FER: variants seen among roughly 807,000 people sequenced by gnomAD.
FER encodes the protein tyrosine-protein kinase Fer.
In FER, 63 loss-of-function variants were observed where a neutral mutation model predicts 111.0. That is an observed-to-expected ratio of 0.57 (90% CI 0.46 to 0.70). The LOEUF (loss-of-function observed/expected upper bound fraction) is 0.70. Ranked by LOEUF, FER falls within the 30% of genes least tolerant of loss-of-function variation. FER has a pLI of 0.00. For synonymous variants in FER, 327 were observed against 313.9 expected (o/e 1.04, Z -0.44); for missense variants, 914 against 954.0 (o/e 0.96, Z 0.55).
At chr5:109,013,057 CTT>C (rs202223340) in intron 13 of FER, among the ~76,000 whole-genome samples, 1,564 of 136,630 alleles carry the variant, frequency 0.011, 22 homozygotes, top group African/African-American at 0.04. Flanking sequence ...ATTGCTTTTG[CTT>C]TTTTTTTTTT....
intron 16 of FER, among the ~76,000 whole-genome samples, chr5:109,064,022 A>G (rs1774780967): frequency 6.6e-6 from 1 of 152,186 alleles, no homozygotes; most frequent in Non-Finnish European, 1.5e-5. Flanking sequence ...GATATAATGT[A>G]TTTTCAAAAC....
At chr5:109,043,747 C>T (rs1273407268) in intron 14 of FER, among the ~76,000 whole-genome samples, 4 of 152,080 alleles carry the variant, frequency 2.6e-5, no homozygotes, top group South Asian at 2.1e-4. Context: ...CCAAGGCAGG[C>T]GGATCACGAG....
chr5:109,076,800 A>G (rs1261488178), intron 16 of FER, among the ~76,000 whole-genome samples: 4 of 152,184 alleles, frequency 2.6e-5, no homozygotes, highest in African/African-American at 9.7e-5. Context: ...AACAACATAT[A>G]GTAACAACAG....
intron 13 of FER, among the ~76,000 whole-genome samples, chr5:108,996,637 A>G (rs1399780791): frequency 3.3e-5 from 5 of 152,216 alleles, no homozygotes; most frequent in Admixed American, 1.3e-4. Context: ...TTTTAATACC[A>G]GTACCATGCT....
intron 16 of FER, among the ~76,000 whole-genome samples, chr5:109,093,914 T>C (rs1581998247): frequency 6.6e-6 from 1 of 152,276 alleles, no homozygotes; most frequent in East Asian, 1.9e-4. Context: ...CTTTCCTTTT[T>C]TTTCATTCTT....
rs141514569 is a variant in FER at position 108,965,322 on chromosome 5, C to G, written c.1656+5975C>G. ...AACTTCATCTGTGGCCTACAATAAC[C>G]TCACTTGTTATAAAAATCATGTGTG... On this transcript the variant is annotated intron_variant, in intron 13 of 19. Coordinates refer to ENST00000281092, the MANE Select transcript of FER (RefSeq NM_005246.4). Among the ~76,000 whole-genome samples the G allele has an allele frequency of 7.6e-3, 1,161 of 152,258 alleles. 11 individuals carry two copies. The highest frequency in any genetic ancestry group is 0.027 in the African/African-American group (1,133 of 41,546).
intron 12 of FER, among the ~76,000 whole-genome samples, chr5:108,956,296 G>A (rs1758419222): frequency 6.6e-6 from 1 of 151,652 alleles, no homozygotes; most frequent in African/African-American, 2.4e-5. Flanking sequence ...AATTGTAGAA[G>A]GAAAGATTGT....
intron 16 of FER, among the ~76,000 whole-genome samples, chr5:109,067,016 G>A (rs1775173615): frequency 6.6e-6 from 1 of 152,202 alleles, no homozygotes. Context: ...TTGCAAAGGG[G>A]TAGGAAAAGG....
At chr5:109,082,843 A>C (rs1164899688) in intron 16 of FER, among the ~76,000 whole-genome samples, 1 of 152,026 alleles carries the variant, frequency 6.6e-6, no homozygotes, top group Non-Finnish European at 1.5e-5. Context: ...TCTTTATCCA[A>C]GATGAGAAAT....
At chr5:109,000,140 G>T (rs1232457427) in intron 13 of FER, among the ~76,000 whole-genome samples, 2 of 151,298 alleles carry the variant, frequency 1.3e-5, no homozygotes, top group Non-Finnish European at 2.9e-5. Context: ...TCATAAAGAT[G>T]ATATATAATA....
intron 11 of FER, among the ~76,000 whole-genome samples, chr5:108,950,542 C>A (rs891432720): frequency 3.9e-5 from 6 of 152,006 alleles, no homozygotes; most frequent in Non-Finnish European, 5.9e-5. Context: ...AAAGACAGAA[C>A]CACTATTTTA....
rs183935980 is a variant in FER at position 108,962,882 on chromosome 5, T to G, written c.1656+3535T>G. Among the ~76,000 whole-genome samples the G allele has an allele frequency of 1.4e-3, 209 of 152,326 alleles. 1 individual carries two copies. Among genetic ancestry groups the G allele is most frequent in the Admixed American group, 5.8e-3 (88 of 15,302 alleles). On this transcript the variant is annotated intron_variant, in intron 13 of 19. Transcript: ENST00000281092. ...AGATCTGGAGTTTGAGCCCACATTC[T>G]TAACCACTATATATTTTTCCAGATT...
chr5:109,100,372 T>C (rs1748081017), intron 16 of FER, 24 bp from the exon 17 acceptor site: 2 of 1,607,390 alleles, frequency 1.2e-6, no homozygotes, highest in African/African-American at 1.3e-5. Flanking sequence ...CTTTGTCTCA[T>C]TGTTCATCTA....
In FER at chr5:108,883,588, T is replaced by C. The variant is rs182936843; in HGVS notation, c.1046+70T>C. 6.6e-3 allele frequency: 8,978 copies of C among 1,351,526 alleles called. 46 individuals are homozygous for C. Among genetic ancestry groups the C allele is most frequent in the Admixed American group, 8.4e-3 (351 of 41,630 alleles). The allele number at this position is 1,351,526 out of a possible 1,614,324, so 83.7% of individuals were successfully genotyped here. A position where few individuals can be genotyped will look rare whatever the true frequency, so the allele number is the denominator to read the frequency against. ...ATTTTACAAAAATATTTTAGTTACA[T>C]GGCAGTGTGAACCTAACATTTCTAG... On this transcript the variant is annotated intron_variant, in intron 9 of 19. Coordinates refer to ENST00000281092, the MANE Select transcript of FER (RefSeq NM_005246.4).
At chr5:108,858,742 T>A (rs953024578) in intron 5 of FER, among the ~76,000 whole-genome samples, 1 of 151,270 alleles carries the variant, frequency 6.6e-6, no homozygotes. Flanking sequence ...AATGACAACA[T>A]TTGAGTTGGT....
chr5:109,023,684 C>A (rs1768259316), intron 13 of FER, among the ~76,000 whole-genome samples: 1 of 151,346 alleles, frequency 6.6e-6, no homozygotes, highest in African/African-American at 2.4e-5. Flanking sequence ...AATTTGCAAA[C>A]ATTTTCACTT....
chr5:109,011,799 G>A (rs1766307442), intron 13 of FER, among the ~76,000 whole-genome samples: 1 of 151,936 alleles, frequency 6.6e-6, no homozygotes, highest in Non-Finnish European at 1.5e-5. Flanking sequence ...TTTTCTTTGG[G>A]ACAAAAGACC....
At chr5:108,863,986 A>G (rs1048132562) in intron 5 of FER, among the ~76,000 whole-genome samples, 2 of 152,156 alleles carry the variant, frequency 1.3e-5, no homozygotes, top group African/African-American at 4.8e-5. Context: ...GTTTTAGAAC[A>G]TGTTTCTCTT....
intron 16 of FER, among the ~76,000 whole-genome samples, chr5:109,068,223 G>A (rs1184748242): frequency 2.0e-5 from 3 of 150,138 alleles, no homozygotes; most frequent in Admixed American, 6.6e-5. Context: ...TTACTCTATG[G>A]CCCAGGCTGG....
Sources: gnomAD v4.1 joint callset for allele counts (sites outside exome capture counted in the v4.1 genomes callset) on GRCh38, gnomAD v4.1.1 for gene constraint, MANE v1.5 for transcripts, NCBI Gene and HGNC (gene_info 2026-07-23, HGNC 2026-07-21) for gene names.